ADAMTS12: variants seen among roughly 807,000 people sequenced by gnomAD.
ADAMTS12 encodes the protein A disintegrin and metalloproteinase with thrombospondin motifs 12.
In ADAMTS12, 118 loss-of-function variants were observed where a neutral mutation model predicts 167.8. The ratio of observed to expected loss-of-function variants is 0.70; its 90% CI spans 0.61 to 0.82. ADAMTS12 has a LOEUF of 0.82. Among genes scored for constraint, ADAMTS12 ranks in the 40% least tolerant of loss-of-function variants. The pLI is 0.00. For missense variants in ADAMTS12, 1,916 were observed against 1,998.8 expected (o/e 0.96, Z 0.79); for synonymous variants, 704 against 716.9 (o/e 0.98, Z 0.29).
chr5:33,886,325 G>T (rs936412879), intron 1 of ADAMTS12, among the ~76,000 whole-genome samples: 1 of 152,168 alleles, frequency 6.6e-6, no homozygotes, highest in Non-Finnish European at 1.5e-5. Flanking sequence ...CACTTGCTAT[G>T]AGCCAGCTAC....
chr5:33,544,676 A>G (rs1321341572), intron 22 of ADAMTS12, among the ~76,000 whole-genome samples: 2 of 152,056 alleles, frequency 1.3e-5, no homozygotes, highest in African/African-American at 2.4e-5. Flanking sequence ...ATAGACCAAA[A>G]GAACAGAACA....
At chr5:33,827,674 T>C (rs904652309) in intron 2 of ADAMTS12, among the ~76,000 whole-genome samples, 1 of 152,002 alleles carries the variant, frequency 6.6e-6, no homozygotes, top group African/African-American at 2.4e-5. Context: ...CTTTGACATG[T>C]ATCCTCGCAT....
intron 2 of ADAMTS12, among the ~76,000 whole-genome samples, chr5:33,816,289 A>G (rs1355574815): frequency 6.6e-6 from 1 of 152,328 alleles, no homozygotes. Flanking sequence ...CACATCCATC[A>G]TCTCAAATGC....
intron 2 of ADAMTS12, among the ~76,000 whole-genome samples, chr5:33,878,984 C>T (rs1214436107): frequency 6.6e-6 from 1 of 152,046 alleles, no homozygotes; most frequent in Admixed American, 6.5e-5. Flanking sequence ...TCTACAGAGA[C>T]CAAATGTAGA....
At chr5:33,745,984 C>T (rs570332645) in intron 3 of ADAMTS12, among the ~76,000 whole-genome samples, 20 of 152,208 alleles carry the variant, frequency 1.3e-4, no homozygotes, top group South Asian at 4.1e-4. Context: ...CCAGTTCTTA[C>T]GGCAGATAAT....
At chr5:33,657,868 A>T (rs929857907) in intron 7 of ADAMTS12, among the ~76,000 whole-genome samples, 2 of 152,202 alleles carry the variant, frequency 1.3e-5, no homozygotes, top group Non-Finnish European at 1.5e-5. Context: ...ACCAAGGGTT[A>T]TTCCTCAATT....
chr5:33,585,821 G>T (rs1335338580), intron 18 of ADAMTS12, among the ~76,000 whole-genome samples: 3 of 152,182 alleles, frequency 2.0e-5, no homozygotes, highest in Non-Finnish European at 4.4e-5. Flanking sequence ...TGGGGCAGCA[G>T]GGGAGAGAGC....
chr5:33,786,721 G>A (rs1746341537), intron 2 of ADAMTS12, among the ~76,000 whole-genome samples: 1 of 152,184 alleles, frequency 6.6e-6, no homozygotes, highest in African/African-American at 2.4e-5. Flanking sequence ...GTCTGCAACA[G>A]TAGGAACTTT....
intron 5 of ADAMTS12, among the ~76,000 whole-genome samples, chr5:33,668,079 C>T (rs77920273): frequency 0.039 from 5,976 of 152,236 alleles, 134 homozygotes; most frequent in African/African-American, 0.057. Flanking sequence ...AACTGGGTTA[C>T]GTCCTGATAA....
At chr5:33,732,682 T>C (rs1189788489) in intron 3 of ADAMTS12, among the ~76,000 whole-genome samples, 1 of 152,226 alleles carries the variant, frequency 6.6e-6, no homozygotes, top group African/African-American at 2.4e-5. Flanking sequence ...TTTTATATGT[T>C]GCTTTGGAAA....
Position 33,738,307 on chromosome 5 carries a change from AT to A in ADAMTS12, c.634+13096del, listed in dbSNP as rs11430099. ...CTGTGGCCGTTGGGACTGCCCTTTG[AT>A]TTTTTTTTTGTTTGTTTGGTTACTC... On this transcript the variant is annotated intron_variant, in intron 3 of 23. Transcript: ENST00000504830. Among the ~76,000 whole-genome samples the A allele has an allele frequency of 1.1e-4, 17 of 150,168 alleles. 1 individual carries two copies. The highest frequency in any genetic ancestry group is 4.2e-4 in the South Asian group (2 of 4,720).
intron 2 of ADAMTS12, among the ~76,000 whole-genome samples, chr5:33,871,238 C>T (rs1290061538): frequency 6.6e-6 from 1 of 152,040 alleles, no homozygotes; most frequent in Non-Finnish European, 1.5e-5. Flanking sequence ...AGTCTCTAGG[C>T]CCAGATAGTT....
chr5:33,637,827 C>G (rs1740269661), intron 11 of ADAMTS12, 81 bp from the exon 12 acceptor site: 1 of 1,456,902 alleles, frequency 6.9e-7, no homozygotes, highest in South Asian at 1.3e-5. Context: ...GGTATCTGGC[C>G]TTGACAAATG....
chr5:33,523,945 G>T lies in ADAMTS12; in HGVS notation c.*3243C>A, dbSNP rs2111695244. The T allele has an allele frequency of 6.6e-6, 1 of 152,334 alleles. No individual in the cohort carries two copies. Among genetic ancestry groups the T allele is most frequent in the South Asian group, 2.1e-4 (1 of 4,824 alleles). 9.4% of individuals were successfully genotyped at this position (152,334 alleles called of 1,614,324 possible). ...TTCATCTTGAAGTCAGAAAGGAGAA[G>T]AGCTAAGACCTGCACTCTCTGGAGT... On this transcript the variant is annotated 3_prime_UTR_variant, in exon 24 of 24. Coordinates refer to ENST00000504830, the MANE Select transcript of ADAMTS12 (RefSeq NM_030955.4).
At chr5:33,709,085 C>A (rs1289944069) in intron 3 of ADAMTS12, among the ~76,000 whole-genome samples, 1 of 151,936 alleles carries the variant, frequency 6.6e-6, no homozygotes, top group Non-Finnish European at 1.5e-5. Flanking sequence ...ATTTATGCAG[C>A]CAACAAACAT....
intron 3 of ADAMTS12, among the ~76,000 whole-genome samples, chr5:33,729,156 A>AAAAAGGT (rs372084839): frequency 4.9e-4 from 75 of 152,350 alleles, no homozygotes; most frequent in African/African-American, 1.7e-3. Flanking sequence ...ACAAACTATT[A>AAAAAGGT]AAAAGGTAAA....
At chr5:33,653,299 G>A (rs1458353785) in intron 7 of ADAMTS12, among the ~76,000 whole-genome samples, 3 of 152,034 alleles carry the variant, frequency 2.0e-5, no homozygotes, top group African/African-American at 7.2e-5. Context: ...TGTTTAGCCT[G>A]TTACAATGGT....
At chr5:33,803,395 C>T (rs1439872112) in intron 2 of ADAMTS12, among the ~76,000 whole-genome samples, 1 of 152,154 alleles carries the variant, frequency 6.6e-6, no homozygotes, top group African/African-American at 2.4e-5. Flanking sequence ...GTAAATGCTA[C>T]CTTGGTTATT....
intron 2 of ADAMTS12, among the ~76,000 whole-genome samples, chr5:33,873,720 A>G (rs1750125870): frequency 6.6e-6 from 1 of 152,228 alleles, no homozygotes; most frequent in Non-Finnish European, 1.5e-5. Context: ...TAAATAGATA[A>G]TGAAACAGAA....
Sources: gnomAD v4.1 joint callset for allele counts (sites outside exome capture counted in the v4.1 genomes callset) on GRCh38, gnomAD v4.1.1 for gene constraint, MANE v1.5 for transcripts, NCBI Gene and HGNC (gene_info 2026-07-23, HGNC 2026-07-21) for gene names.